The following E2F3 variants were observed in gnomAD, a reference collection of about 807,000 sequenced individuals.
The protein encoded by E2F3 is E2F transcription factor 3, also known as transcription factor E2F3.
In E2F3, 11 loss-of-function variants were observed where a neutral mutation model predicts 44.4. The ratio of observed to expected loss-of-function variants is 0.25; its 90% CI spans 0.16 to 0.41. The LOEUF is 0.41. E2F3 is among the 10% of genes least tolerant of loss of function. The pLI is 1.00. For missense variants in E2F3, 487 were observed against 583.6 expected, an observed-to-expected ratio of 0.83 and a Z score of 1.70; for synonymous variants, 249 against 253.0, an observed-to-expected ratio of 0.98 and a Z score of 0.15.
intron 1 of E2F3, among the ~76,000 whole-genome samples, chr6:20,407,805 C>A (rs1479520002): frequency 1.3e-5 from 2 of 152,182 alleles, no homozygotes; most frequent in Admixed American, 1.3e-4. Context: ...CCAAGCTAGC[C>A]AACTTCAATT....
chr6:20,472,805 A>G (rs1160981741), intron 1 of E2F3, among the ~76,000 whole-genome samples: 1 of 152,208 alleles, frequency 6.6e-6, no homozygotes, highest in African/African-American at 2.4e-5. Context: ...CATTGGAAAA[A>G]TGATTATAGG....
intron 1 of E2F3, among the ~76,000 whole-genome samples, chr6:20,413,856 A>C (rs1759753764): frequency 6.6e-6 from 1 of 152,246 alleles, no homozygotes; most frequent in Non-Finnish European, 1.5e-5. Flanking sequence ...GTGAAAAGGC[A>C]GGTGGAAGTG....
At position 20,492,544 on chromosome 6, in the gene E2F3, G is replaced by T. The variant is rs1021063402; in HGVS notation, c.*2114G>T. 2 of 233,154 alleles carry T rather than the reference G, an allele frequency of 8.6e-6. No individual in the cohort carries two copies. The highest frequency in any genetic ancestry group is 1.7e-5 in the Non-Finnish European group (2 of 117,746). The allele number at this position is 233,154 out of a possible 1,614,324, so 14.4% of individuals were successfully genotyped here. On this transcript the variant is annotated 3_prime_UTR_variant, in exon 7 of 7. Coordinates refer to ENST00000346618, the MANE Select transcript of E2F3 (RefSeq NM_001949.5). ...CCATTTCCCATATTTATCTCATCTG[G>T]TTAGCTGCCTCTGCTTCCAGCTTTG...
chr6:20,487,423 C>T (rs554513082), intron 5 of E2F3, among the ~76,000 whole-genome samples: 114 of 152,220 alleles, frequency 7.5e-4, no homozygotes, highest in African/African-American at 2.6e-3. Flanking sequence ...AATAATAGCT[C>T]TTTGACCTAG....
chr6:20,462,099 T>C (rs1405125966), intron 1 of E2F3, among the ~76,000 whole-genome samples: 2 of 152,240 alleles, frequency 1.3e-5, no homozygotes, highest in African/African-American at 4.8e-5. Context: ...TGTTCTTTTC[T>C]TACTGGCTAC....
At chr6:20,409,598 A>G (rs538545797) in intron 1 of E2F3, among the ~76,000 whole-genome samples, 89 of 152,332 alleles carry the variant, frequency 5.8e-4, no homozygotes, top group Non-Finnish European at 1.0e-3. Flanking sequence ...GCCCAGTAAC[A>G]TTGAACAAGG....
At chr6:20,465,250 C>G (rs1456780154) in intron 1 of E2F3, among the ~76,000 whole-genome samples, 1 of 152,188 alleles carries the variant, frequency 6.6e-6, no homozygotes, top group Non-Finnish European at 1.5e-5. Flanking sequence ...CTGACTATTG[C>G]CCCAGGCAAT....
intron 1 of E2F3, among the ~76,000 whole-genome samples, chr6:20,457,564 A>G (rs745845933): frequency 2.6e-5 from 4 of 152,150 alleles, no homozygotes; most frequent in Non-Finnish European, 4.4e-5. Flanking sequence ...GAAGGTATAT[A>G]GGATAGACGT....
chr6:20,418,840 CTT>C (rs34489729), intron 1 of E2F3, among the ~76,000 whole-genome samples: 2 of 145,640 alleles, frequency 1.4e-5, no homozygotes. Context: ...TGTTTGTTAC[CTT>C]TTTTTTTTTG....
At chr6:20,430,146 T>C (rs1760351267) in intron 1 of E2F3, among the ~76,000 whole-genome samples, 1 of 152,218 alleles carries the variant, frequency 6.6e-6, no homozygotes, top group Admixed American at 6.5e-5. Flanking sequence ...GGTTACCAGA[T>C]AAAATACACG....
intron 1 of E2F3, among the ~76,000 whole-genome samples, chr6:20,479,645 G>C (rs1170862661): frequency 6.6e-6 from 1 of 152,226 alleles, no homozygotes; most frequent in Non-Finnish European, 1.5e-5. Flanking sequence ...GATCACGGCA[G>C]GTGAAGAGAG....
chr6:20,407,262 T>C (rs1179534944), intron 1 of E2F3, among the ~76,000 whole-genome samples: 1 of 152,176 alleles, frequency 6.6e-6, no homozygotes, highest in Non-Finnish European at 1.5e-5. Flanking sequence ...TTTAATATAA[T>C]GCAGTGCCCA....
chr6:20,436,452 A>AACACACACAC (rs765678025), intron 1 of E2F3, among the ~76,000 whole-genome samples: 77 of 146,338 alleles, frequency 5.3e-4, no homozygotes, highest in African/African-American at 1.7e-3. Flanking sequence ...TGAGCTAGGA[A>AACACACACAC]ACACACACAC....
At chr6:20,419,433 C>T (rs1759950791) in intron 1 of E2F3, among the ~76,000 whole-genome samples, 1 of 152,200 alleles carries the variant, frequency 6.6e-6, no homozygotes, top group South Asian at 2.1e-4. Context: ...ATATTCCCAC[C>T]ACAAGTGTAG....
intron 2 of E2F3, 102 bp from the exon 3 acceptor site, chr6:20,481,104 T>A (rs767495188): frequency 6.1e-5 from 64 of 1,043,120 alleles, no homozygotes; most frequent in Non-Finnish European, 8.6e-5. Flanking sequence ...ACTAATACTT[T>A]GGCTGCAGTG....
intron 1 of E2F3, among the ~76,000 whole-genome samples, chr6:20,436,490 G>C (rs1404245490): frequency 1.1e-4 from 15 of 133,716 alleles, no homozygotes; most frequent in African/African-American, 4.0e-4. Context: ...GAGAGAGAGA[G>C]AGAGAAAAAT....
intron 1 of E2F3, among the ~76,000 whole-genome samples, chr6:20,445,984 A>T (rs1403913877): frequency 6.6e-6 from 1 of 152,200 alleles, no homozygotes; most frequent in African/African-American, 2.4e-5. Context: ...GTACACAGCC[A>T]GAGTCACTCA....
chr6:20,414,241 G>A (rs983174172), intron 1 of E2F3, among the ~76,000 whole-genome samples: 9 of 152,158 alleles, frequency 5.9e-5, no homozygotes, highest in African/African-American at 2.2e-4. Context: ...AATTCATCAG[G>A]TTGATTTTTG....
chr6:20,475,561 G>A (rs1333943764), intron 1 of E2F3, among the ~76,000 whole-genome samples: 1 of 152,174 alleles, frequency 6.6e-6, no homozygotes, highest in Non-Finnish European at 1.5e-5. Flanking sequence ...CTGTCATCCA[G>A]GCTGGATTGC....
Sources: allele counts gnomAD v4.1 joint callset (sites outside exome capture counted in the v4.1 genomes callset), GRCh38; gene constraint gnomAD v4.1.1; transcripts MANE v1.5; gene names NCBI Gene and HGNC (gene_info 2026-07-23, HGNC 2026-07-21).